Variants in RTL4 observed in about 807,000 individuals in gnomAD.
RTL4 encodes the protein retrotransposon Gag-like protein 4.
A neutral mutation model predicts 5.3 loss-of-function variants in RTL4; 4 were observed. The observed-to-expected ratio is 0.75, with a 90% CI of 0.37 to 1.72. The LOEUF (loss-of-function observed/expected upper bound fraction) is 1.72, where lower values mean the gene tolerates loss of function less well. RTL4 is among the 40% of genes most tolerant of loss of function. RTL4 has a pLI of 0.04. For synonymous variants in RTL4, 98 were observed against 87.3 expected (o/e 1.12, Z -0.68); for missense variants, 260 against 227.1 (o/e 1.14, Z -0.93).
At chrX:112,244,485 A>T in the RTL4 span, among the ~76,000 whole-genome samples, 1 of 111,478 alleles carries the variant, frequency 9.0e-6, no homozygotes. Context: ...GTTTGTTTAC[A>T]GTCTGTTTTA....
At chrX:112,348,591 A>C in the RTL4 span, among the ~76,000 whole-genome samples, 1 of 110,753 alleles carries the variant, frequency 9.0e-6, no homozygotes, top group East Asian at 2.9e-4. Context: ...TGCCATCAGA[A>C]AGTGGTATTT....
the RTL4 span, among the ~76,000 whole-genome samples, chrX:112,395,285 C>G: frequency 9.0e-6 from 1 of 110,906 alleles, no homozygotes; most frequent in Admixed American, 9.6e-5. Flanking sequence ...AACAAAAATC[C>G]CTGATAAAAT....
the RTL4 span, among the ~76,000 whole-genome samples, chrX:112,236,362 T>C: frequency 5.1e-5 from 5 of 98,664 alleles, no homozygotes; most frequent in Non-Finnish European, 1.0e-4. Context: ...CTTTTCTCCA[T>C]TGTACAGTGC....
the RTL4 span, among the ~76,000 whole-genome samples, chrX:112,265,519 A>C: frequency 8.9e-6 from 1 of 112,321 alleles, no homozygotes; most frequent in African/African-American, 3.2e-5. Context: ...CAGGGACAGG[A>C]GAATTTGCAA....
the RTL4 span, among the ~76,000 whole-genome samples, chrX:112,253,198 TGC>T: frequency 5.4e-5 from 6 of 111,692 alleles, no homozygotes; most frequent in Non-Finnish European, 9.4e-5. Flanking sequence ...TTGTGCTGTT[TGC>T]CATAGGTACT....
At chrX:112,152,825 G>C in the RTL4 span, among the ~76,000 whole-genome samples, 1 of 111,202 alleles carries the variant, frequency 9.0e-6, no homozygotes. Context: ...ATTTGACATA[G>C]GTTCTTCTGT....
chrX:112,455,313 A>G, exon 1 of RTL4: 1 of 1,211,723 alleles, frequency 8.3e-7, no homozygotes, highest in Non-Finnish European at 1.1e-6. Flanking sequence ...ACCAGGATGA[A>G]GAGAGTGTCA....
At chrX:112,163,010 TCTC>T in the RTL4 span, among the ~76,000 whole-genome samples, 1 of 111,870 alleles carries the variant, frequency 8.9e-6, no homozygotes, top group South Asian at 3.8e-4. Flanking sequence ...AGTGTTCAGT[TCTC>T]CTCATTTATC....
the RTL4 span, among the ~76,000 whole-genome samples, chrX:112,141,875 A>G: frequency 8.9e-6 from 1 of 112,273 alleles, no homozygotes; most frequent in Non-Finnish European, 1.9e-5. Context: ...TTGATGTCTA[A>G]TATCTTTAAA....
the RTL4 span, among the ~76,000 whole-genome samples, chrX:112,313,837 A>G: frequency 1.8e-5 from 2 of 110,808 alleles, no homozygotes; most frequent in Admixed American, 2.0e-4. Context: ...AGTCATAAAG[A>G]TGGATGTCAA....
chrX:112,250,781 C>T, the RTL4 span, among the ~76,000 whole-genome samples: 2 of 111,672 alleles, frequency 1.8e-5, no homozygotes, highest in Non-Finnish European at 3.8e-5. Flanking sequence ...ACATTTACCC[C>T]CCAGAGGAAG....
the RTL4 span, among the ~76,000 whole-genome samples, chrX:112,318,164 A>G: frequency 8.9e-6 from 1 of 111,806 alleles, no homozygotes; most frequent in Non-Finnish European, 1.9e-5. Context: ...GCTTTAGGCC[A>G]TGTATGCCAG....
At chrX:112,231,506 G>A in the RTL4 span, among the ~76,000 whole-genome samples, 4 of 100,354 alleles carry the variant, frequency 4.0e-5, no homozygotes, top group African/African-American at 1.1e-4. Flanking sequence ...TCACTCATAG[G>A]TGGGAATTGA....
chrX:112,185,320 A>G, the RTL4 span, among the ~76,000 whole-genome samples: 1 of 104,353 alleles, frequency 9.6e-6, no homozygotes, highest in Non-Finnish European at 2.0e-5. Flanking sequence ...CTTTTTCTTC[A>G]CTTTTACCCA....
the RTL4 span, among the ~76,000 whole-genome samples, chrX:112,135,278 T>G: frequency 8.9e-6 from 1 of 111,960 alleles, no homozygotes; most frequent in African/African-American, 3.2e-5. Flanking sequence ...CATTATGGTT[T>G]GAGTCTGCAT....
At chrX:112,225,148 A>T in the RTL4 span, among the ~76,000 whole-genome samples, 1 of 112,034 alleles carries the variant, frequency 8.9e-6, no homozygotes. Flanking sequence ...AGGCAGTTTG[A>T]TACCAGAGCT....
At chrX:112,118,414 A>G in the RTL4 span, among the ~76,000 whole-genome samples, 5 of 112,503 alleles carry the variant, frequency 4.4e-5, no homozygotes, top group Admixed American at 4.7e-4. Flanking sequence ...TGAGGCAAGT[A>G]ATAGGCTACC....
At chrX:112,192,237 A>C in the RTL4 span, among the ~76,000 whole-genome samples, 29 of 109,700 alleles carry the variant, frequency 2.6e-4, 1 homozygote, top group South Asian at 0.011. Flanking sequence ...TTTCCAATCT[A>C]CATAACTCCT....
chrX:112,165,688 C>A, the RTL4 span, among the ~76,000 whole-genome samples: 2 of 111,586 alleles, frequency 1.8e-5, no homozygotes, highest in East Asian at 5.6e-4. Flanking sequence ...ATTCACATCA[C>A]CCCTCCTGGA....
Sources: gnomAD v4.1 joint callset for allele counts (sites outside exome capture counted in the v4.1 genomes callset) on GRCh38, gnomAD v4.1.1 for gene constraint, MANE v1.5 for transcripts, NCBI Gene and HGNC (gene_info 2026-07-23, HGNC 2026-07-21) for gene names.